DPF3: variants seen among roughly 807,000 people sequenced by gnomAD.
DPF3 encodes the protein zinc finger protein DPF3.
DPF3 carries 18 observed loss-of-function variants against 56.8 expected under a neutral mutation model. That is an observed-to-expected ratio of 0.32 (90% CI 0.22 to 0.47). The LOEUF is 0.47. DPF3 is among the 20% of genes least tolerant of loss of function. The probability of loss-of-function intolerance (pLI) is 1.00; values close to 1 mark genes in which losing one functional copy is unlikely to be tolerated. For missense variants in DPF3, 403 were observed against 488.8 expected, an observed-to-expected ratio of 0.82 and a Z score of 1.65; for synonymous variants, 188 against 180.2, an observed-to-expected ratio of 1.04 and a Z score of -0.35.
intron 8 of DPF3, among the ~76,000 whole-genome samples, chr14:72,669,791 C>A (rs1290631525): frequency 2.0e-5 from 3 of 152,110 alleles, no homozygotes; most frequent in Admixed American, 6.5e-5. Context: ...CCACAGAGGG[C>A]CAGGGGGAGA....
chr14:72,757,352 T>C (rs1287098304), intron 2 of DPF3, among the ~76,000 whole-genome samples: 1 of 152,146 alleles, frequency 6.6e-6, no homozygotes, highest in African/African-American at 2.4e-5. Context: ...CGGCCAACTC[T>C]TACTGTGATA....
chr14:72,687,538 C>A (rs746341078), intron 7 of DPF3, among the ~76,000 whole-genome samples: 14 of 152,090 alleles, frequency 9.2e-5, no homozygotes, highest in Non-Finnish European at 1.6e-4. Flanking sequence ...CCACTGTGGC[C>A]CCTGATTACA....
intron 1 of DPF3, among the ~76,000 whole-genome samples, chr14:72,804,875 C>G (rs1048858582): frequency 6.6e-6 from 1 of 152,116 alleles, no homozygotes; most frequent in Non-Finnish European, 1.5e-5. Flanking sequence ...TATCTGAATT[C>G]TTATATCACA....
intron 2 of DPF3, among the ~76,000 whole-genome samples, chr14:72,759,724 A>C (rs1890990969): frequency 6.6e-6 from 1 of 152,200 alleles, no homozygotes; most frequent in Admixed American, 6.5e-5. Context: ...AACTACAGCA[A>C]AGTATGTCAT....
In DPF3 at chr14:72,643,382, C is replaced by T. The variant is rs542250537; in HGVS notation, c.872-13646G>A. Among the ~76,000 whole-genome samples the T allele has an allele frequency of 2.6e-5, 4 of 152,348 alleles. No individual in the cohort carries two copies. In the South Asian group the frequency reaches 6.2e-4, roughly 24 times the overall value. ...GCCTCTAGCGAAATCCCTCAAGAAG[C>T]CAGACTTGCTTACATGAGGCAGAGG... is the stretch of plus-strand genomic sequence containing the variant. On this transcript the variant is annotated intron_variant, in intron 8 of 10. Transcript: ENST00000556509.
intron 1 of DPF3, among the ~76,000 whole-genome samples, chr14:72,805,782 G>C (rs1882750776): frequency 6.6e-6 from 1 of 150,914 alleles, no homozygotes; most frequent in South Asian, 2.1e-4. Context: ...GGAGGCGGAG[G>C]TTGCAGTGAG....
In DPF3 at chr14:72,609,086, A is replaced by T. The variant is rs1196839480; in HGVS notation, c.*10211T>A. On this transcript the variant is annotated 3_prime_UTR_variant, in exon 11 of 11. Coordinates refer to ENST00000556509, the MANE Select transcript of DPF3 (RefSeq NM_001280542.3). Reference sequence around the variant, plus strand: ...ACATTCTCTAAATTGCAGACAAAAGATTCACTACGTGGGTAGTCAACATTG... The same window carrying T: ...ACATTCTCTAAATTGCAGACAAAAGTTTCACTACGTGGGTAGTCAACATTG... Among the ~76,000 whole-genome samples, 1 of 152,244 alleles carries T rather than the reference A, an allele frequency of 6.6e-6. No homozygotes were observed. The highest frequency in any genetic ancestry group is 2.4e-5 in the African/African-American group (1 of 41,456).
At chr14:72,747,943 C>T (rs759590843) in intron 3 of DPF3, among the ~76,000 whole-genome samples, 2 of 152,148 alleles carry the variant, frequency 1.3e-5, no homozygotes, top group African/African-American at 2.4e-5. Flanking sequence ...TGTAAATTGC[C>T]CAGTCTCAAG....
At chr14:72,849,534 C>G (rs1395917563) in intron 1 of DPF3, among the ~76,000 whole-genome samples, 1 of 152,206 alleles carries the variant, frequency 6.6e-6, no homozygotes, top group Non-Finnish European at 1.5e-5. Context: ...CCCGGCAGTT[C>G]TCCTAGCTAA....
chr14:72,889,892 G>A (rs117762252), intron 1 of DPF3, among the ~76,000 whole-genome samples: 2,936 of 152,306 alleles, frequency 0.019, 42 homozygotes, highest in Non-Finnish European at 0.029. Context: ...TCACGTATAT[G>A]TGTGTGTTCA....
chr14:72,740,973 A>C (rs1423114543), intron 3 of DPF3, among the ~76,000 whole-genome samples: 1 of 152,202 alleles, frequency 6.6e-6, no homozygotes, highest in Non-Finnish European at 1.5e-5. Flanking sequence ...AGGCTGAGGC[A>C]GGAGGAGGAT....
chr14:72,738,827 C>A (rs1376067876), intron 3 of DPF3, among the ~76,000 whole-genome samples: 1 of 152,180 alleles, frequency 6.6e-6, no homozygotes, highest in East Asian at 1.9e-4. Context: ...TAACTAGCTT[C>A]ATTTAGTCAT....
At chr14:72,849,609 C>T (rs1884892695) in intron 1 of DPF3, among the ~76,000 whole-genome samples, 1 of 152,142 alleles carries the variant, frequency 6.6e-6, no homozygotes, top group African/African-American at 2.4e-5. Flanking sequence ...TCACCTCCCA[C>T]CTTCACCCTA....
chr14:72,691,755 T>C (rs907373422), intron 7 of DPF3, among the ~76,000 whole-genome samples: 6 of 148,392 alleles, frequency 4.0e-5, no homozygotes, highest in Non-Finnish European at 7.4e-5. Flanking sequence ...AGAGGAAATG[T>C]GGACACAAAA....
Position 72,626,065 on chromosome 14 carries a change from C to A in DPF3, c.984+3559G>T, listed in dbSNP as rs1884808343. 3.3e-5 allele frequency among the ~76,000 whole-genome samples: 5 copies of A among 152,328 alleles called. No individual in the cohort carries two copies. In the South Asian group the frequency reaches 1.0e-3, roughly 32 times the overall value. On this transcript the variant is annotated intron_variant, in intron 9 of 10. Coordinates refer to ENST00000556509, the MANE Select transcript of DPF3 (RefSeq NM_001280542.3). ...TTAGGTTATTCTTTTCTTCCTCACTCTTCGGTATAGTTACATTATCTATTT... is the reference window on the plus strand; with the variant it reads ...TTAGGTTATTCTTTTCTTCCTCACTATTCGGTATAGTTACATTATCTATTT...
chr14:72,801,269 G>A (rs1448972410), intron 1 of DPF3, among the ~76,000 whole-genome samples: 2 of 152,222 alleles, frequency 1.3e-5, no homozygotes, highest in African/African-American at 4.8e-5. Context: ...ATCCACAAAT[G>A]TATCCGTGAG....
chr14:72,670,476 G>T (rs539662600), intron 8 of DPF3: 182 of 986,010 alleles, frequency 1.8e-4, no homozygotes, highest in Middle Eastern at 5.2e-4. Flanking sequence ...CAGAGAGGAA[G>T]ATGGAAAGGT....
intron 1 of DPF3, among the ~76,000 whole-genome samples, chr14:72,800,869 G>A (rs969408345): frequency 6.6e-6 from 1 of 152,214 alleles, no homozygotes; most frequent in South Asian, 2.1e-4. Context: ...ACACAAATAG[G>A]CATGATACAA....
At chr14:72,885,869 T>A (rs1336378542) in intron 1 of DPF3, among the ~76,000 whole-genome samples, 1 of 152,134 alleles carries the variant, frequency 6.6e-6, no homozygotes, top group African/African-American at 2.4e-5. Flanking sequence ...TAGAAAGGAA[T>A]CAAGTTCTGA....
Sources: gnomAD v4.1 joint callset for allele counts (sites outside exome capture counted in the v4.1 genomes callset) on GRCh38, gnomAD v4.1.1 for gene constraint, MANE v1.5 for transcripts, NCBI Gene and HGNC (gene_info 2026-07-23, HGNC 2026-07-21) for gene names.